Variants in PLA2G4A observed in about 807,000 individuals in gnomAD.
PLA2G4A encodes the protein phospholipase A2 group IVA, also known as cytosolic phospholipase A2.
PLA2G4A carries 40 observed loss-of-function variants against 81.9 expected under a neutral mutation model. The observed-to-expected ratio is 0.49, with a 90% CI of 0.38 to 0.64. The LOEUF is 0.64. Ranked by LOEUF, PLA2G4A falls within the 30% of genes least tolerant of loss-of-function variation. The pLI, the probability that PLA2G4A is intolerant of heterozygous loss-of-function variation, is 0.00. For synonymous variants in PLA2G4A, 302 were observed against 296.9 expected (o/e 1.02, Z -0.18); for missense variants, 715 against 905.1 (o/e 0.79, Z 2.69).
chr1:186,896,150 A>G (rs527588269), intron 5 of PLA2G4A, among the ~76,000 whole-genome samples: 1 of 152,302 alleles, frequency 6.6e-6, no homozygotes, highest in South Asian at 2.1e-4. Context: ...CTATAAAGTA[A>G]TTAAAATAAG....
intron 1 of PLA2G4A, among the ~76,000 whole-genome samples, chr1:186,842,843 G>A (rs1652037859): frequency 6.6e-6 from 1 of 152,152 alleles, no homozygotes; most frequent in South Asian, 2.1e-4. Context: ...CTTTGTTATG[G>A]CAACCCTCGT....
intron 13 of PLA2G4A, among the ~76,000 whole-genome samples, chr1:186,952,669 A>T (rs1161075868): frequency 6.6e-6 from 1 of 152,098 alleles, no homozygotes; most frequent in African/African-American, 2.4e-5. Flanking sequence ...TACATGTCAC[A>T]CACACTAGTT....
At chr1:186,842,355 T>C (rs1486534491) in intron 1 of PLA2G4A, among the ~76,000 whole-genome samples, 1 of 152,130 alleles carries the variant, frequency 6.6e-6, no homozygotes, top group African/African-American at 2.4e-5. Flanking sequence ...ATATCATGTC[T>C]TATATCACAT....
intron 1 of PLA2G4A, among the ~76,000 whole-genome samples, chr1:186,835,249 A>G (rs1651737344): frequency 6.6e-6 from 1 of 152,214 alleles, no homozygotes; most frequent in African/African-American, 2.4e-5. Flanking sequence ...TTCACCCCTT[A>G]TGGAAAAAAG....
intron 14 of PLA2G4A, among the ~76,000 whole-genome samples, chr1:186,958,912 T>C (rs1181674920): frequency 6.6e-6 from 1 of 152,188 alleles, no homozygotes; most frequent in East Asian, 1.9e-4. Context: ...TGTATATGGA[T>C]AATTTATATA....
chr1:186,891,694 C>A (rs1053268691), intron 3 of PLA2G4A, among the ~76,000 whole-genome samples: 5 of 152,194 alleles, frequency 3.3e-5, no homozygotes, highest in African/African-American at 1.2e-4. Flanking sequence ...TTTACCCATT[C>A]ATCTGTTGAT....
intron 14 of PLA2G4A, among the ~76,000 whole-genome samples, chr1:186,963,063 T>C (rs1160368041): frequency 6.6e-6 from 1 of 152,182 alleles, no homozygotes; most frequent in African/African-American, 2.4e-5. Flanking sequence ...AAAATGGCTG[T>C]CTCCTTTGTA....
At chr1:186,905,756 G>T (rs949460075) in intron 5 of PLA2G4A, among the ~76,000 whole-genome samples, 6 of 151,898 alleles carry the variant, frequency 4.0e-5, no homozygotes, top group African/African-American at 9.7e-5. Context: ...TGTGTTATCT[G>T]TTGTATGCCA....
chr1:186,834,970 T>C (rs2101996698), intron 1 of PLA2G4A, among the ~76,000 whole-genome samples: 1 of 152,328 alleles, frequency 6.6e-6, no homozygotes, highest in South Asian at 2.1e-4. Flanking sequence ...TAGCTTATGA[T>C]AAAGCAGATA....
chr1:186,908,968 C>CTT (rs1201226836), intron 6 of PLA2G4A, among the ~76,000 whole-genome samples: 1,775 of 75,028 alleles, frequency 0.024, 84 homozygotes, highest in Non-Finnish European at 0.033. Flanking sequence ...CTTTTCTTTT[C>CTT]TTTTTTTTTT....
chr1:186,918,869 C>T (rs1450770548), intron 7 of PLA2G4A, among the ~76,000 whole-genome samples: 1 of 152,218 alleles, frequency 6.6e-6, no homozygotes, highest in Non-Finnish European at 1.5e-5. Context: ...GCATGGGGGG[C>T]CTTTATATTC....
intron 7 of PLA2G4A, among the ~76,000 whole-genome samples, chr1:186,921,922 G>C (rs1020406047): frequency 2.0e-5 from 3 of 152,052 alleles, no homozygotes; most frequent in Non-Finnish European, 2.9e-5. Flanking sequence ...TGACTTACAG[G>C]TTACCCTGTG....
intron 7 of PLA2G4A, among the ~76,000 whole-genome samples, chr1:186,927,273 T>A (rs965738133): frequency 6.6e-6 from 1 of 152,226 alleles, no homozygotes; most frequent in Admixed American, 6.5e-5. Context: ...TAGAACAGTG[T>A]CTCTAATTAA....
intron 1 of PLA2G4A, among the ~76,000 whole-genome samples, chr1:186,834,596 A>T (rs1185961774): frequency 6.6e-6 from 1 of 152,062 alleles, no homozygotes; most frequent in African/African-American, 2.4e-5. Flanking sequence ...TGCCCTTATA[A>T]CTTGATTACT....
In PLA2G4A at chr1:186,965,556, T is replaced by C; in HGVS notation, c.1727T>C (p.Phe576Ser). The change falls in exon 15 of 18, where the codon TTT becomes TCT. Residue 576 changes from phenylalanine to serine, a missense_variant. Phe to Ser is a radical substitution (Grantham distance 155). Coordinates refer to ENST00000367466, the MANE Select transcript of PLA2G4A (RefSeq NM_024420.3). ...RGVDLIISFD[F>S]SARPSDSSPP... is the part of the protein sequence containing the mutation. ...GTTGATCTCATAATCTCCTTTGACT[T>C]TTCTGCAAGGCCAAGTGACTCTAGT... The C allele has an allele frequency of 6.2e-7, 1 of 1,613,616 alleles. No homozygotes were observed. Among genetic ancestry groups the C allele is most frequent in the Non-Finnish European group, 8.5e-7 (1 of 1,179,524 alleles).
At chr1:186,941,146 C>A (rs1188475608) in intron 10 of PLA2G4A, among the ~76,000 whole-genome samples, 1 of 148,554 alleles carries the variant, frequency 6.7e-6, no homozygotes, top group Non-Finnish European at 1.5e-5. Flanking sequence ...CAACAGCATA[C>A]TTTTGGGGGG....
chr1:186,946,491 T>G, intron 10 of PLA2G4A, 146 bp from the exon 11 acceptor site: 1 of 693,988 alleles, frequency 1.4e-6, no homozygotes, highest in East Asian at 2.7e-5. Context: ...ATATACATAA[T>G]GGGCATTTGG....
intron 17 of PLA2G4A, 111 bp downstream of exon 17, chr1:186,979,583 A>T: frequency 1.3e-6 from 1 of 756,844 alleles, no homozygotes; most frequent in South Asian, 1.5e-5. Context: ...GAATGACACC[A>T]CCCAAAATAT....
In PLA2G4A at chr1:186,978,953, G is replaced by C. The variant is rs146257340; in HGVS notation, c.1961-362G>C. Among the ~76,000 whole-genome samples, 707 of 152,294 alleles carry C rather than the reference G, an allele frequency of 4.6e-3. 4 individuals carry two copies. The highest frequency in any genetic ancestry group is 5.9e-3 in the Non-Finnish European group (404 of 68,020). ...TGTCCCACAATCATGCTTCCCACAC[G>C]CACACCAAAAGGCAGGGGAATGGAG... On this transcript the variant is annotated intron_variant, in intron 16 of 17. Coordinates refer to ENST00000367466, the MANE Select transcript of PLA2G4A (RefSeq NM_024420.3).
Sources: allele counts gnomAD v4.1 joint callset (sites outside exome capture counted in the v4.1 genomes callset), GRCh38; gene constraint gnomAD v4.1.1; transcripts MANE v1.5; gene names NCBI Gene and HGNC (gene_info 2026-07-23, HGNC 2026-07-21).